The following SMARCA4 variants were observed in gnomAD, a reference collection of about 807,000 sequenced individuals.
The protein encoded by SMARCA4 is SWI/SNF-related matrix-associated actin-dependent regulator of chromatin subfamily A member 4.
In SMARCA4, 31 loss-of-function variants were observed where a neutral mutation model predicts 193.9. The ratio of observed to expected loss-of-function variants is 0.16; its 90% CI spans 0.12 to 0.22. The LOEUF (loss-of-function observed/expected upper bound fraction) is 0.22. SMARCA4 is among the 10% of genes least tolerant of loss of function. SMARCA4 has a pLI of 1.00. For missense variants in SMARCA4, 1,148 were observed against 2,296.0 expected, an observed-to-expected ratio of 0.50 and a Z score of 10.22; for synonymous variants, 942 against 933.1, an observed-to-expected ratio of 1.01 and a Z score of -0.17.
Position 10,980,549 on chromosome 19 carries a change from G to T in SMARCA4, c.-31-3572G>T, listed in dbSNP as rs112330595. Among the ~76,000 whole-genome samples the T allele has an allele frequency of 3.7e-3, 559 of 151,960 alleles. 7 individuals carry two copies. The highest frequency in any genetic ancestry group is 0.013 in the African/African-American group (520 of 41,456). On this transcript the variant is annotated intron_variant, in intron 1 of 34. Coordinates refer to ENST00000344626, the MANE Select transcript of SMARCA4 (RefSeq NM_003072.5). ...CTCGGGAGGCTGAGGCATGAGAATC[G>T]CTTGAACCCCGGGGACGGAGGTTGC...
rs770463875 is a variant in SMARCA4 at position 11,058,357 on chromosome 19, G to A, written c.4527G>A (p.Lys1509=). The A allele has an allele frequency of 6.2e-7, 1 of 1,608,584 alleles. No homozygotes were observed. ...ELIRKPVDFK[K]IKERIRNHKY... is the part of the protein sequence containing the mutation. The stretch of plus-strand genomic sequence containing the variant: ...TCCGCAAGCCCGTGGACTTCAAGAA[G>A]ATAAAGGTAACCCTGACGTTGTACC... Residue 1509 remains lysine (K), a synonymous_variant, in exon 31 of 35, where the codon AAG becomes AAA. Transcript: ENST00000344626. This position sits in a 1 kb window ranked among gnomAD's most constrained non-coding sequence, Gnocchi z 5.8.
At chr19:10,997,769 C>T (rs191024080) in intron 11 of SMARCA4, among the ~76,000 whole-genome samples, 116 of 152,280 alleles carry the variant, frequency 7.6e-4, no homozygotes, top group Non-Finnish European at 8.8e-4. Context: ...ACCTGGCCTT[C>T]ACCTGTGTTT....
intron 16 of SMARCA4, among the ~76,000 whole-genome samples, chr19:11,013,915 G>T (rs1555775059): frequency 6.6e-6 from 1 of 151,918 alleles, no homozygotes; most frequent in Non-Finnish European, 1.5e-5. Flanking sequence ...AACAGAGTCC[G>T]CCCCCCTGCC....
intron 1 of SMARCA4, among the ~76,000 whole-genome samples, chr19:10,979,566 T>A (rs1192864660): frequency 6.6e-6 from 1 of 151,576 alleles, no homozygotes; most frequent in Non-Finnish European, 1.5e-5. Context: ...AGGGTCTTGC[T>A]ATGTTGCCTA....
At chr19:11,047,205 C>G (rs1355479549) in intron 30 of SMARCA4, among the ~76,000 whole-genome samples, 1 of 152,024 alleles carries the variant, frequency 6.6e-6, no homozygotes, top group East Asian at 1.9e-4. Flanking sequence ...TATTACAGTG[C>G]AAGGCTACAG....
chr19:11,015,909 G>C (rs1294118862), intron 16 of SMARCA4: 1 of 152,178 alleles, frequency 6.6e-6, no homozygotes, highest in Non-Finnish European at 1.5e-5. Context: ...CACTCAGGAG[G>C]CTGAGACAGG....
intron 30 of SMARCA4, among the ~76,000 whole-genome samples, chr19:11,057,914 C>T (rs2076634518): frequency 1.3e-5 from 2 of 151,752 alleles, no homozygotes; most frequent in African/African-American, 4.8e-5. Flanking sequence ...ACCAGTCTGA[C>T]CAACATGGAG....
Position 11,012,810 on chromosome 19 carries a change from C to G in SMARCA4, c.2275-139C>G, listed in dbSNP as rs559096576. 289 of 755,406 alleles carry G rather than the reference C, an allele frequency of 3.8e-4. 1 individual carries two copies. In the African/African-American group the frequency reaches 4.3e-3, roughly 11 times the overall value. The allele number at this position is 755,406 out of a possible 1,614,324, so 46.8% of individuals were successfully genotyped here. A position where few individuals can be genotyped will look rare whatever the true frequency, so the allele number is the denominator to read the frequency against. On this transcript the variant is annotated intron_variant, in intron 15 of 34. Coordinates refer to ENST00000344626, the MANE Select transcript of SMARCA4 (RefSeq NM_003072.5). Reference sequence around the variant, plus strand: ...AATCAGTTTGGTTCAGAGGAAAAATCCGTGGTAAAGGCAGTAGAGGGTGGG... The same window carrying G: ...AATCAGTTTGGTTCAGAGGAAAAATGCGTGGTAAAGGCAGTAGAGGGTGGG...
At chr19:10,999,462 G>C (rs923298448) in intron 11 of SMARCA4, among the ~76,000 whole-genome samples, 1 of 152,120 alleles carries the variant, frequency 6.6e-6, no homozygotes, top group African/African-American at 2.4e-5. Flanking sequence ...TTCGAGACCA[G>C]TGTGGGCAAT....
chr19:11,035,667 T>C (rs2075227025), intron 29 of SMARCA4, among the ~76,000 whole-genome samples: 1 of 152,192 alleles, frequency 6.6e-6, no homozygotes, highest in South Asian at 2.1e-4. Context: ...GGCAGTTGCT[T>C]GTGGAGCTGA....
intron 1 of SMARCA4, among the ~76,000 whole-genome samples, chr19:10,974,687 A>ATTTTTTTTTTTTTTT (rs1568402418): frequency 2.2e-5 from 1 of 46,224 alleles, no homozygotes; most frequent in African/African-American, 9.7e-5. Flanking sequence ...ATATATATAT[A>ATTTTTTTTTTTTTTT]TATTTTTTTT....
chr19:11,007,178 TC>T (rs1266690245), intron 13 of SMARCA4, among the ~76,000 whole-genome samples: 1 of 151,934 alleles, frequency 6.6e-6, no homozygotes, highest in Non-Finnish European at 1.5e-5. Context: ...ACGCCTGTAA[TC>T]CCAGCACTTT....
chr19:10,985,087 T>C lies in SMARCA4; in HGVS notation c.223-186T>C, dbSNP rs2085899485. On this transcript the variant is annotated intron_variant, in intron 2 of 34. Coordinates refer to ENST00000344626, the MANE Select transcript of SMARCA4 (RefSeq NM_003072.5). This position sits in a 1 kb window ranked among gnomAD's most constrained non-coding sequence, Gnocchi z 4.5. ...TCCACTGGGCGACATTTATTTTGTG[T>C]ACCTGTCTCGAGGCCTAAGTAGGTG... Among the ~76,000 whole-genome samples, 1 of 152,082 alleles carries C rather than the reference T, an allele frequency of 6.6e-6. No homozygotes were observed. The highest frequency in any genetic ancestry group is 6.6e-5 in the Admixed American group (1 of 15,262).
chr19:11,015,340 C>T (rs949047496), intron 16 of SMARCA4, among the ~76,000 whole-genome samples: 1 of 152,208 alleles, frequency 6.6e-6, no homozygotes, highest in African/African-American at 2.4e-5. Flanking sequence ...GTGTGGCATG[C>T]CTGTGGCAGT....
At chr19:10,998,184 C>T (rs1450339939) in intron 11 of SMARCA4, among the ~76,000 whole-genome samples, 2 of 152,186 alleles carry the variant, frequency 1.3e-5, no homozygotes, top group Admixed American at 1.3e-4. Flanking sequence ...CCACGCTTGG[C>T]TTCAGGCCAG....
intron 7 of SMARCA4, among the ~76,000 whole-genome samples, chr19:10,990,371 C>T (rs942871323): frequency 6.6e-6 from 1 of 151,918 alleles, no homozygotes; most frequent in Non-Finnish European, 1.5e-5. Context: ...CTCTGCCTTC[C>T]AGGTTCAAGT....
intron 30 of SMARCA4, among the ~76,000 whole-genome samples, chr19:11,046,204 C>T (rs1053532132): frequency 2.0e-5 from 3 of 147,568 alleles, no homozygotes; most frequent in African/African-American, 7.5e-5. Flanking sequence ...GCCTGGGCGA[C>T]AGAGCGAGAC....
chr19:11,030,718 T>A lies in SMARCA4; in HGVS notation c.3383-12T>A, dbSNP rs375221718. On this transcript the variant is annotated splice_polypyrimidine_tract_variant and intron_variant, in intron 24 of 34. Transcript: ENST00000344626. This position sits in a 1 kb window ranked among gnomAD's most constrained non-coding sequence, Gnocchi z 5.5. ...TCACCCCGCTGACCCTGTTCTCCTC[T>A]GTGCCCGTCAGGAACCACGAAGGCG... The A allele has an allele frequency of 6.2e-7, 1 of 1,609,980 alleles. No homozygotes were observed. Among genetic ancestry groups the A allele is most frequent in the Non-Finnish European group, 8.5e-7 (1 of 1,178,500 alleles).
chr19:11,057,001 T>G (rs1162601993), intron 30 of SMARCA4, among the ~76,000 whole-genome samples: 1 of 152,184 alleles, frequency 6.6e-6, no homozygotes, highest in Non-Finnish European at 1.5e-5. Context: ...CTCTGGAATT[T>G]TCTGGGAAAG....
Sources: gnomAD v4.1 joint callset for allele counts (sites outside exome capture counted in the v4.1 genomes callset) on GRCh38, gnomAD v4.1.1 for gene constraint, Gnocchi (gnomAD v3.1) non-coding constraint, MANE v1.5 for transcripts, NCBI Gene and HGNC (gene_info 2026-07-23, HGNC 2026-07-21) for gene names.